Variants in NCAM1 observed in about 807,000 individuals in gnomAD.
The protein encoded by NCAM1 is neural cell adhesion molecule 1.
A neutral mutation model predicts 109.8 loss-of-function variants in NCAM1; 14 were observed. The ratio of observed to expected loss-of-function variants is 0.13; its 90% confidence interval spans 0.08 to 0.20. NCAM1 has a LOEUF of 0.20. Among genes scored for constraint, NCAM1 ranks in the 10% least tolerant of loss-of-function variants. NCAM1 has a pLI of 1.00. For missense variants in NCAM1, 774 were observed against 1,109.9 expected (o/e 0.70, Z 4.30); for synonymous variants, 418 against 442.9 (o/e 0.94, Z 0.70).
chr11:113,262,306 G>C (rs782529604), intron 17 of NCAM1, among the ~76,000 whole-genome samples: 3 of 152,226 alleles, frequency 2.0e-5, no homozygotes, highest in Non-Finnish European at 4.4e-5. Flanking sequence ...ACAGTGTGCT[G>C]ACTCATAGTG....
chr11:112,967,547 G>A (rs558896687), intron 1 of NCAM1, among the ~76,000 whole-genome samples: 5 of 152,238 alleles, frequency 3.3e-5, no homozygotes, highest in African/African-American at 7.2e-5. Flanking sequence ...CCGTGAGATC[G>A]GAAAATTAGT....
At chr11:112,964,155 G>GTT (rs59178181) in intron 1 of NCAM1, among the ~76,000 whole-genome samples, 63,392 of 105,698 alleles carry the variant, frequency 0.6, 15,051 homozygotes, top group Non-Finnish European at 0.62. Flanking sequence ...TTTTTTTTTT[G>GTT]TTTTTTTTTT....
intron 1 of NCAM1, among the ~76,000 whole-genome samples, chr11:113,152,185 A>G (rs1485182059): frequency 6.6e-6 from 1 of 152,250 alleles, no homozygotes; most frequent in Non-Finnish European, 1.5e-5. Context: ...GAACTTCAGC[A>G]TCACAGCTCT....
intron 1 of NCAM1, among the ~76,000 whole-genome samples, chr11:112,989,126 A>G (rs924364578): frequency 5.9e-5 from 9 of 152,134 alleles, no homozygotes; most frequent in Non-Finnish European, 7.3e-5. Context: ...TTTGAGCTTC[A>G]TTAATCTAGA....
intron 1 of NCAM1, among the ~76,000 whole-genome samples, chr11:113,123,391 G>T (rs1941047250): frequency 6.6e-6 from 1 of 152,180 alleles, no homozygotes. Context: ...TGGGGAGGGG[G>T]TGCTTACTCT....
chr11:113,025,068 G>C (rs1204015835), intron 1 of NCAM1, among the ~76,000 whole-genome samples: 2 of 152,188 alleles, frequency 1.3e-5, no homozygotes, highest in Non-Finnish European at 2.9e-5. Context: ...AGGAAATGCT[G>C]TAGTCATTTG....
chr11:113,265,087 G>T (rs1190411116), intron 17 of NCAM1: 5 of 985,394 alleles, frequency 5.1e-6, no homozygotes, highest in Non-Finnish European at 6.0e-6. Flanking sequence ...AGCAGGTTTG[G>T]ATCATGTTTT....
intron 1 of NCAM1, among the ~76,000 whole-genome samples, chr11:113,010,156 G>A (rs1202523151): frequency 3.3e-5 from 5 of 152,136 alleles, no homozygotes; most frequent in African/African-American, 9.7e-5. Flanking sequence ...TCTCACATTC[G>A]ATCCTGAACT....
intron 1 of NCAM1, among the ~76,000 whole-genome samples, chr11:113,109,622 T>G (rs1940349106): frequency 6.6e-6 from 1 of 152,210 alleles, no homozygotes; most frequent in African/African-American, 2.4e-5. Flanking sequence ...GGCTGTGCTT[T>G]CAAGGAACTG....
In NCAM1 at chr11:113,270,242, T is replaced by G; in HGVS notation, c.2186T>G (p.Ile729Ser). 3 of 1,614,000 alleles carry G rather than the reference T, an allele frequency of 1.9e-6. No homozygotes were observed. Among genetic ancestry groups the G allele is most frequent in the Non-Finnish European group, 2.5e-6 (3 of 1,179,888 alleles). Residue 729 changes from isoleucine (I) to serine (S), a missense_variant, in exon 18 of 20, where the codon ATC (isoleucine) becomes AGC (serine). By Grantham distance (142) the Ile-to-Ser change is moderately radical (BLOSUM62 -2). Coordinates refer to ENST00000316851, the MANE Select transcript of NCAM1 (RefSeq NM_181351.5). ...LSTGAIVGIL[I>S]VIFVLLLVVV... is the part of the protein sequence containing the mutation. ...ACCGGGGCCATCGTGGGCATCCTCATCGTCATCTTCGTCCTGCTCCTGGTG... is the reference window on the plus strand; with the variant it reads ...ACCGGGGCCATCGTGGGCATCCTCAGCGTCATCTTCGTCCTGCTCCTGGTG...
At chr11:113,255,181 C>T (rs988553694) in intron 15 of NCAM1, among the ~76,000 whole-genome samples, 11 of 152,198 alleles carry the variant, frequency 7.2e-5, no homozygotes, top group African/African-American at 2.7e-4. Context: ...TGAGAATTAG[C>T]ACTCACTCAT....
intron 1 of NCAM1, among the ~76,000 whole-genome samples, chr11:113,013,295 G>A (rs1031927441): frequency 2.0e-5 from 3 of 151,646 alleles, no homozygotes; most frequent in African/African-American, 7.3e-5. Context: ...GCATGATGGC[G>A]CGTGCCTATA....
intron 1 of NCAM1, among the ~76,000 whole-genome samples, chr11:113,033,741 G>A (rs868939248): frequency 6.6e-6 from 1 of 152,224 alleles, no homozygotes; most frequent in South Asian, 2.1e-4. Flanking sequence ...TAGTTAATAT[G>A]CATTTGTTGA....
At chr11:113,153,977 C>T (rs1942325678) in intron 1 of NCAM1, among the ~76,000 whole-genome samples, 1 of 152,166 alleles carries the variant, frequency 6.6e-6, no homozygotes, top group African/African-American at 2.4e-5. Context: ...GAGCTTCTAC[C>T]ATGTGCTTGG....
chr11:113,003,196 C>T (rs1266942070), intron 1 of NCAM1, among the ~76,000 whole-genome samples: 2 of 152,218 alleles, frequency 1.3e-5, no homozygotes, highest in South Asian at 2.1e-4. Context: ...TCTTGTCCAG[C>T]GATCTCTCTT....
rs55641415 is a variant in NCAM1, at chr11:113,239,499, C to CTTTTTTTTTTT, written c.1825+4349_1825+4359dup. Among the ~76,000 whole-genome samples, 24 of 110,198 alleles carry CTTTTTTTTTTT rather than the reference C, an allele frequency of 2.2e-4. 4 individuals carry two copies. Among genetic ancestry groups the CTTTTTTTTTTT allele is most frequent in the East Asian group, 9.8e-4 (3 of 3,072 alleles). The allele number at this position is 110,198 out of a possible 152,430, so 72.3% of individuals were successfully genotyped here. On this transcript the variant is annotated intron_variant, in intron 14 of 19. Transcript: ENST00000316851. ...TATAGAGATTATGAATGAGTCTCTA[C>CTTTTTTTTTTT]TTTTTTTTTTTTTTTTTTTTTTTTG...
intron 1 of NCAM1, among the ~76,000 whole-genome samples, chr11:113,135,812 A>T (rs1451619309): frequency 6.6e-6 from 1 of 152,206 alleles, no homozygotes; most frequent in African/African-American, 2.4e-5. Flanking sequence ...CTTGAAGATC[A>T]GTAATGGGGA....
chr11:113,080,452 AG>A (rs1353405054), intron 1 of NCAM1, among the ~76,000 whole-genome samples: 2 of 149,666 alleles, frequency 1.3e-5, no homozygotes, highest in African/African-American at 4.9e-5. Flanking sequence ...CTCTGAATAG[AG>A]GGGTTTTTTT....
intron 1 of NCAM1, among the ~76,000 whole-genome samples, chr11:113,056,997 A>T (rs782309726): frequency 1.3e-5 from 2 of 152,220 alleles, no homozygotes; most frequent in Non-Finnish European, 2.9e-5. Context: ...GCTTGGTGTT[A>T]GGTGCCAGAG....
Sources: allele counts gnomAD v4.1 joint callset (sites outside exome capture counted in the v4.1 genomes callset), GRCh38; gene constraint gnomAD v4.1.1; transcripts MANE v1.5; gene names NCBI Gene and HGNC (gene_info 2026-07-23, HGNC 2026-07-21).